Variants in MAGI2 observed in about 807,000 individuals in gnomAD.
The protein encoded by MAGI2 is membrane-associated guanylate kinase, WW and PDZ domain-containing protein 2.
A neutral mutation model predicts 133.3 loss-of-function variants in MAGI2; 35 were observed. That is an observed-to-expected ratio of 0.26 (90% CI 0.20 to 0.35). The LOEUF (loss-of-function observed/expected upper bound fraction) is 0.35, where lower values mean the gene tolerates loss of function less well. Among genes scored for constraint, MAGI2 ranks in the 10% least tolerant of loss-of-function variants. MAGI2 has a pLI of 1.00. For synonymous variants in MAGI2, 729 were observed against 710.6 expected (o/e 1.03, Z -0.41); for missense variants, 1,636 against 1,863.4 (o/e 0.88, Z 2.25).
rs75830778 is a variant in MAGI2 at position 78,173,675 on chromosome 7, A to T, written c.2403+4336T>A. On this transcript the variant is annotated intron_variant, in intron 14 of 21. Coordinates refer to ENST00000354212, the MANE Select transcript of MAGI2 (RefSeq NM_012301.4). ...CGTGCTTAGGTTAGGTTTTGTAATT[A>T]TCTGGCCCTGGTTGAAGGCTCAATT... 2.8e-3 allele frequency among the ~76,000 whole-genome samples: 432 copies of T among 152,302 alleles called. 6 individuals are homozygous for T. In the East Asian group the frequency reaches 0.049, roughly 17 times the overall value.
chr7:78,145,291 T>G (rs1823187205), intron 16 of MAGI2, among the ~76,000 whole-genome samples: 1 of 152,224 alleles, frequency 6.6e-6, no homozygotes, highest in Admixed American at 6.5e-5. Flanking sequence ...TATACTTATA[T>G]TACCTTTTCT....
At position 78,083,078 on chromosome 7, in the gene MAGI2, G is replaced by GC. The variant is rs150556173; in HGVS notation, c.3568-3994dup. On this transcript the variant is annotated intron_variant, in intron 20 of 21. Coordinates refer to ENST00000354212, the MANE Select transcript of MAGI2 (RefSeq NM_012301.4). ...CTTTCCGACCTCATCTGACTTCAGT[G>GC]CAGTGGCCAGTGTGTGACAAAAGAG... Among the ~76,000 whole-genome samples the GC allele has an allele frequency of 4.5e-3, 681 of 152,156 alleles. 7 individuals are homozygous for GC. Among genetic ancestry groups the GC allele is most frequent in the African/African-American group, 0.015 (620 of 41,500 alleles).
rs1824444699 is a variant in MAGI2 at position 79,162,287 on chromosome 7, T to A, written c.302-155081A>T. Among the ~76,000 whole-genome samples, 4 of 152,178 alleles carry A rather than the reference T, an allele frequency of 2.6e-5. No homozygotes were observed. In the South Asian group the frequency reaches 8.3e-4, roughly 32 times the overall value. ...CAAATTACTCTTAAAATTGTCAAAC[T>A]ATACTTCCAAGGAAACCAAAATCAT... On this transcript the variant is annotated intron_variant, in intron 1 of 21. Transcript: ENST00000354212.
intron 1 of MAGI2, among the ~76,000 whole-genome samples, chr7:79,409,267 T>C (rs116363657): frequency 2.7e-5 from 4 of 147,282 alleles, no homozygotes; most frequent in African/African-American, 1.0e-4. Context: ...ATATCTTTTT[T>C]AAAATGTTTT....
intron 21 of MAGI2, among the ~76,000 whole-genome samples, chr7:78,023,827 A>C (rs1479605373): frequency 6.6e-6 from 1 of 152,246 alleles, no homozygotes; most frequent in Non-Finnish European, 1.5e-5. Flanking sequence ...GAGGATGGAA[A>C]ATATTTGGGA....
chr7:78,735,070 A>G (rs1355823217), intron 2 of MAGI2, among the ~76,000 whole-genome samples: 1 of 152,216 alleles, frequency 6.6e-6, no homozygotes, highest in Non-Finnish European at 1.5e-5. Flanking sequence ...ATCTAAATCT[A>G]CAATACATGA....
chr7:78,131,884 T>G (rs1390990509), intron 18 of MAGI2, among the ~76,000 whole-genome samples: 3 of 152,146 alleles, frequency 2.0e-5, no homozygotes, highest in Non-Finnish European at 2.9e-5. Context: ...CTAATTTATT[T>G]TATTTTTGAG....
intron 1 of MAGI2, among the ~76,000 whole-genome samples, chr7:79,315,325 A>AT (rs775143230): frequency 0.012 from 1,081 of 92,436 alleles, 10 homozygotes; most frequent in South Asian, 0.067. Flanking sequence ...TGCCCAGTTA[A>AT]TTTTTTTTTT....
At chr7:78,353,569 T>C (rs550952795) in intron 7 of MAGI2, among the ~76,000 whole-genome samples, 1 of 152,326 alleles carries the variant, frequency 6.6e-6, no homozygotes, top group Non-Finnish European at 1.5e-5. Context: ...CAAAAACTGC[T>C]GAAATTTGTA....
At chr7:78,875,160 G>A (rs512480) in intron 2 of MAGI2, among the ~76,000 whole-genome samples, 71,875 of 151,830 alleles carry the variant, frequency 0.47, 18,277 homozygotes, top group Middle Eastern at 0.58. Flanking sequence ...TAAGGGGACA[G>A]CTGGGGCAAA....
chr7:78,403,000 ACTTT>A (rs1797031711), intron 6 of MAGI2, among the ~76,000 whole-genome samples: 1 of 152,176 alleles, frequency 6.6e-6, no homozygotes, highest in Non-Finnish European at 1.5e-5. Context: ...AATCAAATTA[ACTTT>A]TTTTTTAAAA....
chr7:79,335,508 C>A (rs574984592), intron 1 of MAGI2, among the ~76,000 whole-genome samples: 3 of 151,730 alleles, frequency 2.0e-5, no homozygotes, highest in Admixed American at 2.0e-4. Flanking sequence ...TGTAAAACTG[C>A]AAAACTTTAG....
chr7:78,930,453 T>TTG (rs1470076209), intron 2 of MAGI2, among the ~76,000 whole-genome samples: 1 of 152,114 alleles, frequency 6.6e-6, no homozygotes, highest in Non-Finnish European at 1.5e-5. Context: ...CAGGTGCAGT[T>TTG]CTGTCTTTTC....
At chr7:78,023,424 G>A (rs570238581) in intron 21 of MAGI2, among the ~76,000 whole-genome samples, 44 of 152,050 alleles carry the variant, frequency 2.9e-4, no homozygotes, top group Non-Finnish European at 5.4e-4. Context: ...GGACCTGGGC[G>A]TTGGCTAAAG....
Position 79,229,398 on chromosome 7 carries a change from ATC to A in MAGI2, c.302-222194_302-222193del, listed in dbSNP as rs1214119446. 5.3e-3 allele frequency among the ~76,000 whole-genome samples: 810 copies of A among 152,336 alleles called. 6 individuals carry two copies. The highest frequency in any genetic ancestry group is 0.019 in the African/African-American group (770 of 41,582). ...AAGGAATACAGCCTTTGGGCCTACC[ATC>A]TTTCCTCCAACCTACAAGAGATCGG... On this transcript the variant is annotated intron_variant, in intron 1 of 21. Coordinates refer to ENST00000354212, the MANE Select transcript of MAGI2 (RefSeq NM_012301.4).
intron 2 of MAGI2, among the ~76,000 whole-genome samples, chr7:78,776,626 G>T (rs1369441778): frequency 3.3e-5 from 5 of 152,096 alleles, no homozygotes; most frequent in Middle Eastern, 3.4e-3. Flanking sequence ...AATTCTACTG[G>T]CAAACAAAAC....
chr7:78,116,187 A>G (rs1819850337), intron 20 of MAGI2, among the ~76,000 whole-genome samples: 1 of 152,206 alleles, frequency 6.6e-6, no homozygotes, highest in South Asian at 2.1e-4. Flanking sequence ...AGAAATAAAA[A>G]AACAAAAACA....
intron 2 of MAGI2, among the ~76,000 whole-genome samples, chr7:78,933,209 C>T (rs751242346): frequency 7.2e-5 from 11 of 152,054 alleles, no homozygotes; most frequent in Non-Finnish European, 1.2e-4. Context: ...CCTCACTCTC[C>T]AACTGAAATT....
intron 1 of MAGI2, among the ~76,000 whole-genome samples, chr7:79,084,778 GT>G (rs1816340916): frequency 6.6e-6 from 1 of 151,540 alleles, no homozygotes; most frequent in Admixed American, 6.6e-5. Flanking sequence ...TCTGATTTTT[GT>G]TTATCTGAAA....
Sources: allele counts gnomAD v4.1 joint callset (sites outside exome capture counted in the v4.1 genomes callset), GRCh38; gene constraint gnomAD v4.1.1; transcripts MANE v1.5; gene names NCBI Gene and HGNC (gene_info 2026-07-23, HGNC 2026-07-21).